The following KLF8 variants were observed in gnomAD, a reference collection of about 807,000 sequenced individuals.
The protein encoded by KLF8 is KLF transcription factor 8.
A neutral mutation model predicts 18.2 loss-of-function variants in KLF8; 10 were observed. The observed-to-expected ratio is 0.55, with a 90% CI of 0.34 to 0.93. KLF8 has a LOEUF of 0.93. KLF8 is among the 40% of genes least tolerant of loss of function. The pLI is 0.02. For missense variants in KLF8, 264 were observed against 277.9 expected (o/e 0.95, Z 0.36); for synonymous variants, 109 against 97.3 (o/e 1.12, Z -0.71).
chrX:56,055,026 T>A, the KLF8 span, among the ~76,000 whole-genome samples: 1 of 112,001 alleles, frequency 8.9e-6, no homozygotes, highest in East Asian at 2.8e-4. Context: ...TGGAATTTAA[T>A]CGACCTTACT....
chrX:55,973,612 A>G, the KLF8 span, among the ~76,000 whole-genome samples: 1 of 112,455 alleles, frequency 8.9e-6, no homozygotes, highest in Non-Finnish European at 1.9e-5. Context: ...GTCACTGATT[A>G]TTAGAGAAAT....
chrX:56,023,160 T>A, the KLF8 span, among the ~76,000 whole-genome samples: 5 of 111,804 alleles, frequency 4.5e-5, no homozygotes, highest in Non-Finnish European at 9.4e-5. Context: ...TGTATATTAT[T>A]TAATTTTAAA....
chrX:55,916,824 T>C, the KLF8 span, among the ~76,000 whole-genome samples: 1 of 112,220 alleles, frequency 8.9e-6, no homozygotes, highest in Non-Finnish European at 1.9e-5. Context: ...CTTGTATCAA[T>C]GATTTTTTTT....
At chrX:56,045,560 A>G in the KLF8 span, among the ~76,000 whole-genome samples, 1 of 111,796 alleles carries the variant, frequency 8.9e-6, no homozygotes, top group Non-Finnish European at 1.9e-5. Flanking sequence ...TGTGTTATCT[A>G]TGATTTCTTT....
At chrX:56,020,151 A>T in the KLF8 span, among the ~76,000 whole-genome samples, 1 of 111,945 alleles carries the variant, frequency 8.9e-6, no homozygotes, top group African/African-American at 3.2e-5. Context: ...CAAATATGAA[A>T]GGAGTTCTAA....
chrX:56,164,748 T>A, the KLF8 span, among the ~76,000 whole-genome samples: 6 of 36,604 alleles, frequency 1.6e-4, no homozygotes, highest in East Asian at 6.6e-4. Flanking sequence ...TTTTTTTTTT[T>A]AACTTTTTTT....
chrX:56,054,785 A>G, the KLF8 span, among the ~76,000 whole-genome samples: 563 of 112,037 alleles, frequency 5.0e-3, no homozygotes, highest in Non-Finnish European at 9.3e-3. Context: ...CTCGGTGCAT[A>G]TATATTTATG....
chrX:56,134,569 C>T, the KLF8 span, among the ~76,000 whole-genome samples: 127 of 111,497 alleles, frequency 1.1e-3, no homozygotes, highest in African/African-American at 4.0e-3. Flanking sequence ...GAAGATAACA[C>T]TGGAAAAACC....
chrX:56,026,040 C>T, the KLF8 span, among the ~76,000 whole-genome samples: 24 of 112,096 alleles, frequency 2.1e-4, no homozygotes, highest in African/African-American at 7.1e-4. Context: ...AGTCAACTTC[C>T]GGGTTTGACT....
the KLF8 span, among the ~76,000 whole-genome samples, chrX:56,158,300 G>T: frequency 8.9e-6 from 1 of 111,750 alleles, no homozygotes; most frequent in Non-Finnish European, 1.9e-5. Flanking sequence ...TAGCCTTGTA[G>T]TATAGTTTGA....
At chrX:56,008,407 C>T in the KLF8 span, among the ~76,000 whole-genome samples, 1 of 111,020 alleles carries the variant, frequency 9.0e-6, no homozygotes, top group African/African-American at 3.3e-5. Flanking sequence ...ACTGATGGCC[C>T]ACCCGGGAGC....
At chrX:56,184,557 G>A in the KLF8 span, among the ~76,000 whole-genome samples, 1 of 112,211 alleles carries the variant, frequency 8.9e-6, no homozygotes. Flanking sequence ...TCAGAGAATG[G>A]GCAGACTGCC....
the KLF8 span, among the ~76,000 whole-genome samples, chrX:56,050,178 C>G: frequency 9.0e-6 from 1 of 110,842 alleles, no homozygotes; most frequent in African/African-American, 3.3e-5. Context: ...ATTAGTCTTG[C>G]TAGCAGTCTA....
At chrX:55,995,025 T>C in the KLF8 span, among the ~76,000 whole-genome samples, 3 of 112,207 alleles carry the variant, frequency 2.7e-5, no homozygotes, top group Admixed American at 2.8e-4. Flanking sequence ...CCCACTATTG[T>C]TGTGTTTACC....
chrX:56,078,280 G>C, the KLF8 span, among the ~76,000 whole-genome samples: 1 of 111,839 alleles, frequency 8.9e-6, no homozygotes, highest in Non-Finnish European at 1.9e-5. Flanking sequence ...CTGTGGGTTT[G>C]TCATAGATAG....
At chrX:56,003,930 A>G in the KLF8 span, among the ~76,000 whole-genome samples, 5 of 112,565 alleles carry the variant, frequency 4.4e-5, no homozygotes, top group African/African-American at 1.6e-4. Flanking sequence ...AACTTTGTAC[A>G]ATTGACCTTG....
chrX:56,190,563 ACAT>A, the KLF8 span, among the ~76,000 whole-genome samples: 1 of 111,770 alleles, frequency 8.9e-6, no homozygotes, highest in African/African-American at 3.2e-5. Context: ...TCTCAAAGAA[ACAT>A]CATATTTTAG....
chrX:56,146,120 T>C, the KLF8 span, among the ~76,000 whole-genome samples: 3 of 111,948 alleles, frequency 2.7e-5, no homozygotes, highest in Non-Finnish European at 5.6e-5. Flanking sequence ...GGTGGGAGTG[T>C]AAATTAGCTC....
At chrX:56,270,796 C>G (rs2067046968) in intron 5 of KLF8, among the ~76,000 whole-genome samples, 1 of 109,902 alleles carries the variant, frequency 9.1e-6, no homozygotes, top group Non-Finnish European at 1.9e-5. Context: ...ATTAACGTGT[C>G]TTTGTTCACA....
Sources: allele counts gnomAD v4.1 joint callset (sites outside exome capture counted in the v4.1 genomes callset), GRCh38; gene constraint gnomAD v4.1.1; transcripts MANE v1.5; gene names NCBI Gene and HGNC (gene_info 2026-07-23, HGNC 2026-07-21).